The following CNTNAP4 variants were observed in gnomAD, a reference collection of about 807,000 sequenced individuals.
CNTNAP4 encodes the protein contactin associated protein family member 4.
In CNTNAP4, 98 loss-of-function variants were observed where a neutral mutation model predicts 148.4. That is an observed-to-expected ratio of 0.66 (90% confidence interval 0.56 to 0.78). The LOEUF (loss-of-function observed/expected upper bound fraction) is 0.78. CNTNAP4 is among the 30% of genes least tolerant of loss of function. The probability of loss-of-function intolerance (pLI) is 0.00; values close to 1 mark genes in which losing one functional copy is unlikely to be tolerated. For missense variants in CNTNAP4, 1,935 were observed against 1,565.6 expected, an observed-to-expected ratio of 1.24 and a Z score of -3.98; for synonymous variants, 730 against 565.1, an observed-to-expected ratio of 1.29 and a Z score of -4.14.
intron 20 of CNTNAP4, 63 bp from the exon 21 acceptor site, chr16:76,540,640 T>G: frequency 8.3e-7 from 1 of 1,205,962 alleles, no homozygotes; most frequent in Non-Finnish European, 1.2e-6. Context: ...CTCTGTTGCT[T>G]CCTGTCTTCT....
At chr16:76,420,552 A>G (rs981593299) in intron 3 of CNTNAP4, among the ~76,000 whole-genome samples, 7 of 151,930 alleles carry the variant, frequency 4.6e-5, no homozygotes, top group East Asian at 1.9e-4. Flanking sequence ...TTTATCCTAA[A>G]AAGTAGATCC....
rs1290099199 is a variant in CNTNAP4 at position 76,309,820 on chromosome 16, G to T, written c.86-6593G>T. ...TGAGTAAGTGTCATGAGATCTGATG[G>T]GTTGCTCAGGGGTTTCCGCTTTTGC... On this transcript the variant is annotated intron_variant, in intron 1 of 23. Transcript: ENST00000611870. 2.3e-5 allele frequency: 16 copies of T among 699,720 alleles called. No homozygotes were observed. In the South Asian group the frequency reaches 2.4e-4, roughly 10 times the overall value. The allele number at this position is 699,720 out of a possible 1,614,324, so 43.3% of individuals were successfully genotyped here. A position where few individuals can be genotyped will look rare whatever the true frequency, so the allele number is the denominator to read the frequency against.
At chr16:76,468,778 A>C (rs185978812) in intron 10 of CNTNAP4, among the ~76,000 whole-genome samples, 4 of 152,140 alleles carry the variant, frequency 2.6e-5, no homozygotes, top group Admixed American at 1.3e-4. Flanking sequence ...AATTAATAGT[A>C]ATAATTGAAA....
intron 21 of CNTNAP4, among the ~76,000 whole-genome samples, chr16:76,551,692 G>T (rs148376378): frequency 1.4e-3 from 213 of 152,204 alleles, no homozygotes; most frequent in African/African-American, 5.0e-3. Flanking sequence ...ATATACTCCA[G>T]TGTCTACTGT....
At chr16:76,539,630 A>C (rs571837665) in intron 19 of CNTNAP4, 89 bp from the exon 20 acceptor site, 1 of 1,095,858 alleles carries the variant, frequency 9.1e-7, no homozygotes, top group African/African-American at 1.6e-5. Context: ...AAATGAATAA[A>C]TAGCAACAAA....
intron 3 of CNTNAP4, among the ~76,000 whole-genome samples, chr16:76,406,523 A>G (rs1568034460): frequency 6.6e-6 from 1 of 152,142 alleles, no homozygotes; most frequent in African/African-American, 2.4e-5. Context: ...ATTGTCCACC[A>G]AGATAAGCAG....
At chr16:76,315,428 T>G (rs559464945) in intron 1 of CNTNAP4, among the ~76,000 whole-genome samples, 10 of 152,318 alleles carry the variant, frequency 6.6e-5, no homozygotes, top group African/African-American at 2.4e-4. Flanking sequence ...ACAAGTTGTT[T>G]TTATAAAAGT....
chr16:76,540,419 G>C (rs184177058), intron 20 of CNTNAP4, among the ~76,000 whole-genome samples: 39 of 151,956 alleles, frequency 2.6e-4, no homozygotes, highest in Non-Finnish European at 1.9e-4. Flanking sequence ...TTATCCAGTG[G>C]AGAAAAATAA....
At chr16:76,283,668 A>G (rs987572574) in intron 1 of CNTNAP4, among the ~76,000 whole-genome samples, 7 of 151,862 alleles carry the variant, frequency 4.6e-5, no homozygotes, top group Admixed American at 2.0e-4. Flanking sequence ...GAGGATGGAG[A>G]GTGGGAGGAG....
intron 1 of CNTNAP4, among the ~76,000 whole-genome samples, chr16:76,307,539 T>TATATATACAC (rs558814796): frequency 2.5e-5 from 3 of 119,378 alleles, no homozygotes; most frequent in African/African-American, 3.4e-5. Context: ...TATATATATA[T>TATATATACAC]ACCAAACTCC....
chr16:76,320,015 A>G (rs1962237826), intron 2 of CNTNAP4, among the ~76,000 whole-genome samples: 1 of 152,206 alleles, frequency 6.6e-6, no homozygotes, highest in African/African-American at 2.4e-5. Flanking sequence ...TGGCTTTGGA[A>G]TTGAGTAATG....
intron 15 of CNTNAP4, among the ~76,000 whole-genome samples, chr16:76,520,780 T>C (rs1391377204): frequency 6.6e-6 from 1 of 152,180 alleles, no homozygotes; most frequent in East Asian, 1.9e-4. Flanking sequence ...AATTTTGAAG[T>C]TATAAAAGAT....
chr16:76,327,033 A>G (rs1963061288), intron 2 of CNTNAP4, among the ~76,000 whole-genome samples: 2 of 152,204 alleles, frequency 1.3e-5, no homozygotes, highest in South Asian at 2.1e-4. Context: ...AAGATGTGTC[A>G]TGTGGATTGG....
At chr16:76,505,192 C>A (rs531687553) in intron 15 of CNTNAP4, among the ~76,000 whole-genome samples, 1 of 151,992 alleles carries the variant, frequency 6.6e-6, no homozygotes, top group South Asian at 2.1e-4. Context: ...TTCCATAGTC[C>A]CCTAAAAATG....
At position 76,479,487 on chromosome 16, in the gene CNTNAP4, T is replaced by A. The variant is rs528961634; in HGVS notation, c.1831T>A (p.Ser611Thr). The change falls in exon 12 of 24, where the codon TCA becomes ACA. Residue 611 changes from serine (S) to threonine (T), a missense_variant. Physicochemically the swap from Ser to Thr is moderately conservative, Grantham distance 58. Coordinates refer to ENST00000611870, the MANE Select transcript of CNTNAP4 (RefSeq NM_033401.5). ...GNTSGFYYIDSDGSGPLEPFL... is the reference protein window; with the variant it reads ...GNTSGFYYIDTDGSGPLEPFL... ...TACTTCAGGGTTTTACTATATAGAT[T>A]CAGATGGAAGTGGTCCCCTGGAACC... 11 of 1,611,250 alleles carry A rather than the reference T, an allele frequency of 6.8e-6. No homozygotes were observed. In the African/African-American group the frequency reaches 1.5e-4, roughly 21 times the overall value.
chr16:76,555,682 A>T (rs2085168897), intron 23 of CNTNAP4, among the ~76,000 whole-genome samples: 1 of 152,264 alleles, frequency 6.6e-6, no homozygotes, highest in Non-Finnish European at 1.5e-5. Context: ...GGCAAGATTT[A>T]CAGAGTTAAA....
At chr16:76,455,500 T>C (rs944419424) in intron 8 of CNTNAP4, among the ~76,000 whole-genome samples, 7 of 152,202 alleles carry the variant, frequency 4.6e-5, no homozygotes, top group African/African-American at 1.7e-4. Context: ...CTTCCTCCCT[T>C]TCACTGTTGA....
At chr16:76,524,235 G>A (rs11644197) in intron 17 of CNTNAP4, among the ~76,000 whole-genome samples, 26,501 of 152,092 alleles carry the variant, frequency 0.17, 2,443 homozygotes, top group Non-Finnish European at 0.22. Context: ...CCACTTGATT[G>A]ACTTACTTAA....
chr16:76,351,878 T>C (rs1032465189), intron 2 of CNTNAP4, among the ~76,000 whole-genome samples: 8 of 152,216 alleles, frequency 5.3e-5, no homozygotes, highest in Non-Finnish European at 1.2e-4. Flanking sequence ...TGCATTGCTG[T>C]CATGTGTTCG....
Sources: gnomAD v4.1 joint callset for allele counts (sites outside exome capture counted in the v4.1 genomes callset) on GRCh38, gnomAD v4.1.1 for gene constraint, MANE v1.5 for transcripts, NCBI Gene and HGNC (gene_info 2026-07-23, HGNC 2026-07-21) for gene names.